Variants in LUZP2 observed in about 807,000 individuals in gnomAD.
LUZP2 encodes leucine zipper protein 2.
LUZP2 carries 52 observed loss-of-function variants against 51.6 expected under a neutral mutation model. The ratio of observed to expected loss-of-function variants is 1.01; its 90% CI spans 0.81 to 1.27. The LOEUF is 1.27. LUZP2 is among the 50% of genes most tolerant of loss of function. LUZP2 has a pLI of 0.00. For missense variants in LUZP2, 436 were observed against 395.4 expected (o/e 1.10, Z -0.87); for synonymous variants, 154 against 137.3 (o/e 1.12, Z -0.85).
intron 1 of LUZP2, among the ~76,000 whole-genome samples, chr11:24,613,383 A>G (rs975241356): frequency 2.0e-5 from 3 of 152,142 alleles, no homozygotes; most frequent in African/African-American, 7.2e-5. Context: ...TTCCTAATCT[A>G]TTTAAAACTA....
At chr11:24,540,807 T>TATGGATAATG (rs753272092) in intron 1 of LUZP2, among the ~76,000 whole-genome samples, 27 of 152,104 alleles carry the variant, frequency 1.8e-4, no homozygotes, top group Non-Finnish European at 3.1e-4. Context: ...GAATAATCGT[T>TATGGATAATG]ATGGATAATG....
At chr11:24,654,656 C>G (rs1360454150) in intron 1 of LUZP2, among the ~76,000 whole-genome samples, 1 of 119,812 alleles carries the variant, frequency 8.3e-6, no homozygotes, top group Non-Finnish European at 1.6e-5. Flanking sequence ...CCCTGAGTAG[C>G]TGGGATTACA....
chr11:25,064,217 A>C (rs1858931285), intron 10 of LUZP2, among the ~76,000 whole-genome samples: 1 of 152,118 alleles, frequency 6.6e-6, no homozygotes, highest in African/African-American at 2.4e-5. Context: ...AACATATTAT[A>C]CAATTATTAT....
At chr11:24,992,763 A>G (rs1856386523) in intron 9 of LUZP2, among the ~76,000 whole-genome samples, 1 of 152,106 alleles carries the variant, frequency 6.6e-6, no homozygotes. Flanking sequence ...ACATTGTGAC[A>G]TACAAGTTGT....
chr11:25,076,889 G>T (rs1859323231), intron 10 of LUZP2, among the ~76,000 whole-genome samples: 1 of 151,876 alleles, frequency 6.6e-6, no homozygotes. Context: ...AGATACTGAG[G>T]ATTTTATGCA....
intron 5 of LUZP2, among the ~76,000 whole-genome samples, chr11:24,799,759 G>A (rs1416625800): frequency 6.6e-6 from 1 of 152,072 alleles, no homozygotes. Context: ...TAGTAATGTT[G>A]TAGATATTAA....
At chr11:24,683,663 C>T (rs1054406035) in intron 1 of LUZP2, among the ~76,000 whole-genome samples, 2 of 152,116 alleles carry the variant, frequency 1.3e-5, no homozygotes, top group Non-Finnish European at 2.9e-5. Flanking sequence ...AGACATTTGC[C>T]TTTAACTAAG....
At chr11:24,796,016 T>G (rs35704367) in intron 5 of LUZP2, among the ~76,000 whole-genome samples, 1 of 152,140 alleles carries the variant, frequency 6.6e-6, no homozygotes, top group East Asian at 1.9e-4. Context: ...TTAGATACTG[T>G]ATAAACTTAT....
intron 1 of LUZP2, among the ~76,000 whole-genome samples, chr11:24,698,888 T>G (rs1857332364): frequency 6.6e-6 from 1 of 151,916 alleles, no homozygotes; most frequent in Admixed American, 6.6e-5. Flanking sequence ...AGACCCAGTC[T>G]CTACAAAAAA....
intron 9 of LUZP2, among the ~76,000 whole-genome samples, chr11:25,024,455 G>A (rs952571046): frequency 6.6e-6 from 1 of 152,082 alleles, no homozygotes; most frequent in Non-Finnish European, 1.5e-5. Context: ...AAAGTCTCAG[G>A]ATACAAAATC....
intron 1 of LUZP2, among the ~76,000 whole-genome samples, chr11:24,594,632 T>A (rs1344503433): frequency 2.0e-5 from 3 of 152,164 alleles, no homozygotes; most frequent in African/African-American, 4.8e-5. Context: ...AATATTTAGT[T>A]GTCAATGATT....
rs547018045 is a variant in LUZP2, at chr11:24,710,452, C to T, written c.63-18717C>T. ...GAATGCAAAGCCATGGATTCTTGTACTCCTAGTGAAATGGGTTTCTGTATA... is the reference window on the plus strand; with the variant it reads ...GAATGCAAAGCCATGGATTCTTGTATTCCTAGTGAAATGGGTTTCTGTATA... On this transcript the variant is annotated intron_variant, in intron 1 of 11. Transcript: ENST00000336930. Among the ~76,000 whole-genome samples the T allele has an allele frequency of 2.6e-5, 4 of 152,228 alleles. No homozygotes were observed. The South Asian group carries it at 8.3e-4, about 32-fold the overall frequency.
chr11:24,851,163 G>A (rs1025081331), intron 5 of LUZP2, among the ~76,000 whole-genome samples: 1 of 152,138 alleles, frequency 6.6e-6, no homozygotes, highest in Admixed American at 6.5e-5. Context: ...AATAGAAGTG[G>A]TGAGAGAGGG....
chr11:24,680,729 C>A (rs1856705617), intron 1 of LUZP2, among the ~76,000 whole-genome samples: 1 of 152,132 alleles, frequency 6.6e-6, no homozygotes. Context: ...ATCCGAAATA[C>A]TACTAACAAA....
intron 7 of LUZP2, among the ~76,000 whole-genome samples, chr11:24,934,500 A>T (rs1854538642): frequency 6.6e-6 from 1 of 152,160 alleles, no homozygotes; most frequent in Non-Finnish European, 1.5e-5. Flanking sequence ...GTTTATTACT[A>T]ATTTTAAGAA....
At chr11:24,517,219 T>C (rs1590126545) in intron 1 of LUZP2, among the ~76,000 whole-genome samples, 3 of 151,832 alleles carry the variant, frequency 2.0e-5, no homozygotes, top group South Asian at 2.1e-4. Flanking sequence ...GGCACGATGG[T>C]TCACGCCTGT....
In LUZP2 at chr11:24,906,126, A is replaced by G; in HGVS notation, c.459+73A>G. On this transcript the variant is annotated intron_variant, in intron 6 of 11. Transcript: ENST00000336930. ...TTATTGTCAGATTTTTGTTCAACTC[A>G]GACATCTGGTAACTCTTTTTCCTCC... 7.8e-6 allele frequency: 8 copies of G among 1,022,874 alleles called. No individual in the cohort carries two copies. The South Asian group carries it at 1.0e-4, about 13-fold the overall frequency. The allele number at this position is 1,022,874 out of a possible 1,614,324, so 63.4% of individuals were successfully genotyped here.
At chr11:24,563,451 T>C (rs142166782) in intron 1 of LUZP2, among the ~76,000 whole-genome samples, 1 of 152,170 alleles carries the variant, frequency 6.6e-6, no homozygotes, top group Non-Finnish European at 1.5e-5. Context: ...AGACCTTGCT[T>C]TCATAGATCT....
intron 1 of LUZP2, among the ~76,000 whole-genome samples, chr11:24,655,188 G>T (rs897909241): frequency 1.3e-5 from 2 of 151,978 alleles, no homozygotes; most frequent in African/African-American, 4.8e-5. Context: ...TAAGACTTTG[G>T]GCTTATTTGT....
Sources: allele counts gnomAD v4.1 joint callset (sites outside exome capture counted in the v4.1 genomes callset), GRCh38; gene constraint gnomAD v4.1.1; transcripts MANE v1.5; gene names NCBI Gene and HGNC (gene_info 2026-07-23, HGNC 2026-07-21).